Variants in CACNA1S observed in about 807,000 individuals in gnomAD.
CACNA1S encodes the protein calcium voltage-gated channel subunit alpha1 S.
In CACNA1S, 126 loss-of-function variants were observed where a neutral mutation model predicts 207.4. The ratio of observed to expected loss-of-function variants is 0.61; its 90% CI spans 0.53 to 0.70. CACNA1S has a LOEUF of 0.70. CACNA1S is among the 30% of genes least tolerant of loss of function. The pLI is 0.00. For missense variants in CACNA1S, 2,349 were observed against 2,422.8 expected, an observed-to-expected ratio of 0.97 and a Z score of 0.64; for synonymous variants, 960 against 932.7, an observed-to-expected ratio of 1.03 and a Z score of -0.53.
intron 10 of CACNA1S, among the ~76,000 whole-genome samples, chr1:201,082,435 T>C (rs1183006371): frequency 6.6e-6 from 1 of 152,216 alleles, no homozygotes; most frequent in East Asian, 1.9e-4. Context: ...TACGGCTTCC[T>C]GAATTTACTA....
At chr1:201,103,729 T>C (rs1662765093) in intron 2 of CACNA1S, among the ~76,000 whole-genome samples, 1 of 152,174 alleles carries the variant, frequency 6.6e-6, no homozygotes, top group Non-Finnish European at 1.5e-5. Context: ...CTGCGGTCCT[T>C]CTGAGGCCCC....
chr1:201,097,159 T>C (rs1662464130), intron 2 of CACNA1S, among the ~76,000 whole-genome samples: 1 of 152,040 alleles, frequency 6.6e-6, no homozygotes, highest in Admixed American at 6.5e-5. Flanking sequence ...CCTCTTCAAC[T>C]GCCCCTGCCA....
At chr1:201,044,478 AG>A in intron 38 of CACNA1S, 22 bp from the exon 39 acceptor site, 1 of 1,609,786 alleles carries the variant, frequency 6.2e-7, no homozygotes, top group Non-Finnish European at 8.5e-7. Flanking sequence ...GAAGGGACTC[AG>A]TTATCTCTCC....
At position 201,041,611 on chromosome 1, in the gene CACNA1S, G is replaced by C. The variant is rs376833522; in HGVS notation, c.5049-22C>G. The C allele has an allele frequency of 5.7e-5, 89 of 1,566,482 alleles. 1 individual carries two copies. Among genetic ancestry groups the C allele is most frequent in the Non-Finnish European group, 7.6e-5 (86 of 1,136,898 alleles). On this transcript the variant is annotated intron_variant, in intron 40 of 43. Transcript: ENST00000362061. ...GACACTGAAATGGAAGCAAGGCTGG[G>C]TGAACCAGAGAAGGCTGCTAGCTCT... is the stretch of plus-strand genomic sequence containing the variant.
chr1:201,040,059 G>T lies in CACNA1S; in HGVS notation c.5394C>A (p.Gly1798=), dbSNP rs1558047794. The change falls in exon 44 of 44, where the codon GGC becomes GGA. Residue 1798 remains glycine (G), a synonymous_variant. Transcript: ENST00000362061. The part of the protein sequence containing the change: ...IQKALVRGGL[G]TLAADANFIM... ...TGAAGTTTGCATCAGCTGCCAAGGTGCCCAGGCCCCCTCGAACCAGAGCCT... is the reference window on the plus strand; with the variant it reads ...TGAAGTTTGCATCAGCTGCCAAGGTTCCCAGGCCCCCTCGAACCAGAGCCT... The T allele has an allele frequency of 1.2e-6, 2 of 1,614,206 alleles. No individual in the cohort carries two copies. The highest frequency in any genetic ancestry group is 4.5e-5 in the East Asian group (2 of 44,882).
intron 38 of CACNA1S, among the ~76,000 whole-genome samples, chr1:201,045,734 CAAAAAAAAAAAAAA>C (rs56958698): frequency 1.4e-5 from 1 of 72,646 alleles, no homozygotes; most frequent in South Asian, 6.7e-4. Flanking sequence ...CTCTTGTCTC[CAAAAAAAAAAAAAA>C]AAAAAAAAAA....
chr1:201,070,810 G>T (rs1034828779), intron 16 of CACNA1S, among the ~76,000 whole-genome samples: 2 of 152,104 alleles, frequency 1.3e-5, no homozygotes, highest in African/African-American at 4.8e-5. Flanking sequence ...GTGCTGGGAA[G>T]GTCTGTGCCC....
intron 29 of CACNA1S, 51 bp downstream of exon 29, chr1:201,054,454 A>T: frequency 6.4e-7 from 1 of 1,553,722 alleles, no homozygotes; most frequent in Non-Finnish European, 8.9e-7. Context: ...TGCAAGTGGC[A>T]GGGCAGGAGC....
Position 201,087,879 on chromosome 1 carries a change from G to A in CACNA1S, c.951C>T (p.Leu317=), listed in dbSNP as rs773209639. The change falls in exon 7 of 44, where the codon CTC becomes CTT. Residue 317 remains leucine, a synonymous_variant. Coordinates refer to ENST00000362061, the MANE Select transcript of CACNA1S (RefSeq NM_000069.3). ...NEWPWIYFVT[L]ILLGSFFILN... is the part of the protein sequence containing the mutation. ...GGATGAAGAAGGATCCCAGCAAAAT[G>A]AGGGTGACAAAATAGATCCAGGGCC... 203 of 1,613,912 alleles carry A rather than the reference G, an allele frequency of 1.3e-4. No individual in the cohort carries two copies. Among genetic ancestry groups the A allele is most frequent in the Middle Eastern group, 1.6e-4 (1 of 6,084 alleles).
intron 2 of CACNA1S, among the ~76,000 whole-genome samples, chr1:201,102,804 G>A (rs932535961): frequency 6.6e-6 from 1 of 152,194 alleles, no homozygotes; most frequent in Non-Finnish European, 1.5e-5. Flanking sequence ...AGAGGGGAGA[G>A]AAAGATACAG....
chr1:201,062,134 T>G (rs1296335868), intron 23 of CACNA1S, 44 bp from the exon 24 acceptor site: 5 of 1,602,002 alleles, frequency 3.1e-6, no homozygotes, highest in Non-Finnish European at 2.6e-6. Flanking sequence ...ATGGCTGGGC[T>G]GCCTTGCCCC....
At chr1:201,045,782 T>TTG (rs1460355378) in intron 38 of CACNA1S, among the ~76,000 whole-genome samples, 35 of 151,498 alleles carry the variant, frequency 2.3e-4, no homozygotes, top group Non-Finnish European at 3.8e-4. Context: ...TTTCCTGATT[T>TTG]TGTGGTTATG....
chr1:201,089,197 C>G lies in CACNA1S; in HGVS notation c.900+61G>C, dbSNP rs199882666. ...TGTGGACTGGCAAGCCCTCCCTCCCCACTCCCTTGCAAGCCTGTGGATGAA... is the reference window on the plus strand; with the variant it reads ...TGTGGACTGGCAAGCCCTCCCTCCCGACTCCCTTGCAAGCCTGTGGATGAA... On this transcript the variant is annotated intron_variant, in intron 6 of 43. Transcript: ENST00000362061. 3.3e-6 allele frequency: 5 copies of G among 1,537,552 alleles called. No individual in the cohort carries two copies. In the East Asian group the frequency reaches 9.0e-5, roughly 28 times the overall value.
At chr1:201,073,190 G>A (rs953887998) in intron 15 of CACNA1S, among the ~76,000 whole-genome samples, 1 of 152,214 alleles carries the variant, frequency 6.6e-6, no homozygotes, top group Admixed American at 6.5e-5. Flanking sequence ...CAGGAATGGT[G>A]AGCAGAGTCA....
rs1422980056 is a variant in CACNA1S at position 201,110,178 on chromosome 1, G to A, written c.244C>T (p.Leu82=). The A allele has an allele frequency of 1.2e-6, 2 of 1,614,186 alleles. No homozygotes were observed. Among genetic ancestry groups the A allele is most frequent in the African/African-American group, 1.3e-5 (1 of 75,074 alleles). The change falls in exon 2 of 44, where the codon CTG becomes TTG. Residue 82 remains leucine, a synonymous_variant. Coordinates refer to ENST00000362061, the MANE Select transcript of CACNA1S (RefSeq NM_000069.3). The stretch of plus-strand genomic sequence containing the variant: ...GCCAATCTTACCAGGCCGAGGTTCA[G>A]AGAGTTGTTGTCATCTTCCGGCATG... ...LPMPEDDNNS[L]NLGLEKLEYF...
chr1:201,095,954 G>T lies in CACNA1S; in HGVS notation c.259-1933C>A, dbSNP rs966046070. ...GCACACCATTAAGGAAAAAGTGTAAGGGAGGAGAGTGAAGTCAAGGCAGCA... is the reference window on the plus strand; with the variant it reads ...GCACACCATTAAGGAAAAAGTGTAATGGAGGAGAGTGAAGTCAAGGCAGCA... On this transcript the variant is annotated intron_variant, in intron 2 of 43. Transcript: ENST00000362061. 2.6e-5 allele frequency among the ~76,000 whole-genome samples: 4 copies of T among 152,224 alleles called. No individual in the cohort carries two copies. The East Asian group carries it at 5.8e-4, about 22-fold the overall frequency.
intron 2 of CACNA1S, among the ~76,000 whole-genome samples, chr1:201,095,132 G>A (rs1478581823): frequency 6.6e-6 from 1 of 151,588 alleles, no homozygotes; most frequent in Non-Finnish European, 1.5e-5. Context: ...GTGTGTGTGT[G>A]TGTGTGTGTG....
intron 7 of CACNA1S, 111 bp downstream of exon 7, chr1:201,087,715 C>T: frequency 1.3e-6 from 1 of 753,706 alleles, no homozygotes; most frequent in Admixed American, 2.0e-5. Flanking sequence ...TCCTCCTCTC[C>T]ACTCGCCCCC....
At chr1:201,067,504 G>A (rs1213825690) in intron 19 of CACNA1S, among the ~76,000 whole-genome samples, 1 of 152,112 alleles carries the variant, frequency 6.6e-6, no homozygotes, top group Non-Finnish European at 1.5e-5. Context: ...AATCTCCCAT[G>A]CCTTTGCACA....
Sources: allele counts gnomAD v4.1 joint callset (sites outside exome capture counted in the v4.1 genomes callset), GRCh38; gene constraint gnomAD v4.1.1; transcripts MANE v1.5; gene names NCBI Gene and HGNC (gene_info 2026-07-23, HGNC 2026-07-21).